Variants in MRPS23 observed in about 807,000 individuals in gnomAD.
MRPS23 encodes mitochondrial ribosomal protein S23.
In MRPS23, 14 loss-of-function variants were observed where a neutral mutation model predicts 19.8. That is an observed-to-expected ratio of 0.71 (90% CI 0.47 to 1.11). The LOEUF (loss-of-function observed/expected upper bound fraction) is 1.11, where lower values mean the gene tolerates loss of function less well. MRPS23 is among the 50% of genes least tolerant of loss of function. The probability of loss-of-function intolerance (pLI) is 0.00; values close to 1 mark genes in which losing one functional copy is unlikely to be tolerated. For synonymous variants in MRPS23, 113 were observed against 89.7 expected (o/e 1.26, Z -1.47); for missense variants, 242 against 236.7 (o/e 1.02, Z -0.15).
At chr17:57,845,313 A>G (rs2685491) in intron 2 of MRPS23, among the ~76,000 whole-genome samples, 149,939 of 152,342 alleles carry the variant, frequency 0.98, 73,825 homozygotes, top group East Asian at 1. Context: ...TCCAAGTAGA[A>G]CAAGAACATA....
rs1178081036 is a variant in MRPS23, at chr17:57,842,876, A to AAAT, written c.216-1617_216-1616insATT. ...GAGACCCTGTCTCTAAAAAAAAAAAAAAAATATATATATATACACACACAC... is the reference window on the plus strand; with the variant it reads ...GAGACCCTGTCTCTAAAAAAAAAAAAAATAAAATATATATATATACACACACAC... On this transcript the variant is annotated intron_variant, in intron 2 of 4. Coordinates refer to ENST00000313608, the MANE Select transcript of MRPS23 (RefSeq NM_016070.4). 7.8e-5 allele frequency among the ~76,000 whole-genome samples: 8 copies of AAAT among 101,960 alleles called. 1 individual carries two copies. The highest frequency in any genetic ancestry group is 3.4e-4 in the African/African-American group (8 of 23,830). 66.9% of individuals were successfully genotyped at this position (101,960 alleles called of 152,430 possible).
At chr17:57,844,088 TTTTG>T (rs869248572) in intron 2 of MRPS23, among the ~76,000 whole-genome samples, 3 of 151,718 alleles carry the variant, frequency 2.0e-5, no homozygotes, top group South Asian at 2.1e-4. Flanking sequence ...AATACATCTT[TTTTG>T]TTTGTTTTAT....
chr17:57,840,977 C>T lies in MRPS23; in HGVS notation c.369G>A (p.Lys123=). 1.2e-6 allele frequency: 2 copies of T among 1,614,210 alleles called. No individual in the cohort carries two copies. The highest frequency in any genetic ancestry group is 1.7e-6 in the Non-Finnish European group (2 of 1,180,048). The part of the protein sequence containing the change: ...DEEKLFVETG[K]ALLAEGVILR... ...AAATGACACCTTCTGCCAATAAAGC[C>T]TTCCCTGTTTCCACAAATAACTTCT... is the stretch of plus-strand genomic sequence containing the variant. Residue 123 remains lysine, a synonymous_variant, in exon 4 of 5, where the codon AAG becomes AAA. Coordinates refer to ENST00000313608, the MANE Select transcript of MRPS23 (RefSeq NM_016070.4).
At position 57,834,939 on chromosome 17, in the gene MRPS23, C is replaced by T. The variant is rs888633462; in HGVS notation, c.*4844G>A. ...AAACTACAAGAAGAATCAGGCTAGC[C>T]TTTTAAGGACATCATCAAAAATCAG... On this transcript the variant is annotated 3_prime_UTR_variant, in exon 5 of 5. Transcript: ENST00000313608. 6.6e-6 allele frequency: 1 copy of T among 152,116 alleles called. No individual in the cohort carries two copies. The highest frequency in any genetic ancestry group is 6.6e-5 in the Admixed American group (1 of 15,264). The allele number at this position is 152,116 out of a possible 1,614,324, so 9.4% of individuals were successfully genotyped here. A position where few individuals can be genotyped will look rare whatever the true frequency, so the allele number is the denominator to read the frequency against.
rs11405515 is a variant in MRPS23 at position 57,846,083 on chromosome 17, G to GTTT, written c.215+3154_215+3156dup. ...AGTCCCAAAGAAGTGTGACATCTTT[G>GTTT]TTTTTTTTTTTTGTATGAAAAAAAT... is the stretch of plus-strand genomic sequence containing the variant. On this transcript the variant is annotated intron_variant, in intron 2 of 4. Coordinates refer to ENST00000313608, the MANE Select transcript of MRPS23 (RefSeq NM_016070.4). Among the ~76,000 whole-genome samples the GTTT allele has an allele frequency of 5.4e-4, 79 of 146,032 alleles. 1 individual carries two copies. Among genetic ancestry groups the GTTT allele is most frequent in the Non-Finnish European group, 7.7e-4 (51 of 66,404 alleles).
intron 2 of MRPS23, among the ~76,000 whole-genome samples, chr17:57,844,940 C>G (rs1047399842): frequency 6.6e-5 from 10 of 151,884 alleles, no homozygotes; most frequent in Non-Finnish European, 1.5e-4. Context: ...CTCTGTCACC[C>G]AGGCTGGAGT....
intron 2 of MRPS23, among the ~76,000 whole-genome samples, chr17:57,843,615 T>C (rs2073754207): frequency 1.3e-5 from 2 of 152,150 alleles, no homozygotes; most frequent in African/African-American, 2.4e-5. Context: ...TTAGTGCCCC[T>C]ATAAGAGATA....
chr17:57,849,217 C>A, intron 2 of MRPS23, 23 bp downstream of exon 2: 1 of 1,609,020 alleles, frequency 6.2e-7, no homozygotes, highest in Non-Finnish European at 8.5e-7. Flanking sequence ...TGCCTCCTGT[C>A]CACTACAGGG....
In MRPS23 at chr17:57,839,783, T is replaced by C; in HGVS notation, c.573A>G (p.Ter191TrpextTer19). 1 of 1,614,008 alleles carries C rather than the reference T, an allele frequency of 6.2e-7. No individual in the cohort carries two copies. Among genetic ancestry groups the C allele is most frequent in the Non-Finnish European group, 8.5e-7 (1 of 1,179,906 alleles). ...ADQSKGLLPP* is the reference protein window; with the variant it reads ...ADQSKGLLPPW ...CCAGCATACACAGTATACAGGTCCTTCAGGGAGGCAAGAGACCTTTCGACT... is the reference window on the plus strand; with the variant it reads ...CCAGCATACACAGTATACAGGTCCTCCAGGGAGGCAAGAGACCTTTCGACT... The change falls in exon 5 of 5, where the codon TGA becomes TGG. Residue 191 changes from the stop codon to tryptophan (W), a stop_lost. Transcript: ENST00000313608.
chr17:57,839,764 TAC>T lies in MRPS23; in HGVS notation c.*17_*18del, dbSNP rs752138343. ...AGTGAGTAGAGTGTGAATGCCAGCA[TAC>T]ACAGTATACAGGTCCTTCAGGGAGG... On this transcript the variant is annotated 3_prime_UTR_variant, in exon 5 of 5. Transcript: ENST00000313608. 2 of 1,612,014 alleles carry T rather than the reference TAC, an allele frequency of 1.2e-6. No homozygotes were observed. Among genetic ancestry groups the T allele is most frequent in the African/African-American group, 2.7e-5 (2 of 74,902 alleles).
rs1451261299 is a variant in MRPS23, at chr17:57,839,299, C to G, written c.*484G>C. ...CAAAGCGCAAGTCAGCTTGGCCTCT[C>G]AAGTGGAGAGATAATCGTTCTATAG... On this transcript the variant is annotated 3_prime_UTR_variant, in exon 5 of 5. Transcript: ENST00000313608. The G allele has an allele frequency of 6.5e-6, 1 of 153,472 alleles. No individual in the cohort carries two copies. The highest frequency in any genetic ancestry group is 1.5e-5 in the Non-Finnish European group (1 of 68,852). The allele number at this position is 153,472 out of a possible 1,614,324, so 9.5% of individuals were successfully genotyped here. A position where few individuals can be genotyped will look rare whatever the true frequency, so the allele number is the denominator to read the frequency against.
chr17:57,849,518 A>G, intron 1 of MRPS23, 108 bp from the exon 2 acceptor site: 1 of 1,345,330 alleles, frequency 7.4e-7, no homozygotes, highest in Non-Finnish European at 1.0e-6. Flanking sequence ...GGTCTGCAAC[A>G]CAGAACGGGG....
chr17:57,842,887 TATATACAC>T lies in MRPS23; in HGVS notation c.216-1635_216-1628del, dbSNP rs1299975596. 5.1e-4 allele frequency among the ~76,000 whole-genome samples: 50 copies of T among 97,568 alleles called. No individual in the cohort carries two copies. The South Asian group carries it at 6.8e-3, about 13-fold the overall frequency. The allele number at this position is 97,568 out of a possible 152,430, so 64.0% of individuals were successfully genotyped here. A position where few individuals can be genotyped will look rare whatever the true frequency, so the allele number is the denominator to read the frequency against. On this transcript the variant is annotated intron_variant, in intron 2 of 4. Transcript: ENST00000313608. Reference sequence around the variant, plus strand: ...TCTAAAAAAAAAAAAAAAATATATATATATACACACACACACACACACACACACACACA... The same window carrying T: ...TCTAAAAAAAAAAAAAAAATATATATACACACACACACACACACACACACA...
intron 4 of MRPS23, among the ~76,000 whole-genome samples, 190 bp from the exon 5 acceptor site, chr17:57,840,125 C>T (rs932038855): frequency 6.6e-6 from 1 of 152,202 alleles, no homozygotes; most frequent in Admixed American, 6.5e-5. Context: ...TGGTGGCTCA[C>T]GCCTGTAATC....
At chr17:57,841,359 T>C in intron 2 of MRPS23, 99 bp from the exon 3 acceptor site, 1 of 1,261,804 alleles carries the variant, frequency 7.9e-7, no homozygotes. Context: ...ACTGAGGAGT[T>C]AAGTACGGTA....
At chr17:57,842,891 T>TACATACAC (rs2073749381) in intron 2 of MRPS23, among the ~76,000 whole-genome samples, 50 of 76,604 alleles carry the variant, frequency 6.5e-4, no homozygotes, top group Non-Finnish European at 8.2e-4. Context: ...TATATATATA[T>TACATACAC]ACACACACAC....
chr17:57,839,700 A>T lies in MRPS23; in HGVS notation c.*83T>A. 1 of 1,494,908 alleles carries T rather than the reference A, an allele frequency of 6.7e-7. No individual in the cohort carries two copies. Among genetic ancestry groups the T allele is most frequent in the Non-Finnish European group, 9.0e-7 (1 of 1,105,252 alleles). 92.6% of individuals were successfully genotyped at this position (1,494,908 alleles called of 1,614,324 possible). ...ATACCTTAGAGATCAAGAAACATTT[A>T]CACAGTTCAACTGTTTAAAAATAGC... On this transcript the variant is annotated 3_prime_UTR_variant, in exon 5 of 5. Transcript: ENST00000313608.
chr17:57,837,387 C>T lies in MRPS23; in HGVS notation c.*2396G>A, dbSNP rs2073711897. ...TAACTCTAGCAGCCCATTTGCAACA[C>T]AGTAAAACAAAGAACATTTTCTTCA... On this transcript the variant is annotated 3_prime_UTR_variant, in exon 5 of 5. Transcript: ENST00000313608. The T allele has an allele frequency of 6.6e-6, 1 of 152,228 alleles. No individual in the cohort carries two copies. The highest frequency in any genetic ancestry group is 2.1e-4 in the South Asian group (1 of 4,834). 9.4% of individuals were successfully genotyped at this position (152,228 alleles called of 1,614,324 possible). A position where few individuals can be genotyped will look rare whatever the true frequency, so the allele number is the denominator to read the frequency against.
chr17:57,837,530 A>G lies in MRPS23; in HGVS notation c.*2253T>C, dbSNP rs2073712640. 1 of 152,264 alleles carries G rather than the reference A, an allele frequency of 6.6e-6. No homozygotes were observed. The highest frequency in any genetic ancestry group is 1.5e-5 in the Non-Finnish European group (1 of 68,090). 9.4% of individuals were successfully genotyped at this position (152,264 alleles called of 1,614,324 possible). ...CAAAATATTTCTGGAAGAGCGCACA[A>G]GGAAATGGTGATAGTGATGGCCTCA... On this transcript the variant is annotated 3_prime_UTR_variant, in exon 5 of 5. Transcript: ENST00000313608.
Sources: allele counts gnomAD v4.1 joint callset (sites outside exome capture counted in the v4.1 genomes callset), GRCh38; gene constraint gnomAD v4.1.1; transcripts MANE v1.5; gene names NCBI Gene and HGNC (gene_info 2026-07-23, HGNC 2026-07-21).